The following TCF12 variants were observed in gnomAD, a reference collection of about 807,000 sequenced individuals.
TCF12 encodes the protein transcription factor 12.
A neutral mutation model predicts 86.0 loss-of-function variants in TCF12; 45 were observed. The ratio of observed to expected loss-of-function variants is 0.52; its 90% CI spans 0.41 to 0.67. The LOEUF is 0.67. Among genes scored for constraint, TCF12 ranks in the 30% least tolerant of loss-of-function variants. TCF12 has a pLI of 0.00. For missense variants in TCF12, 881 were observed against 859.9 expected (o/e 1.02, Z -0.31); for synonymous variants, 330 against 299.6 (o/e 1.10, Z -1.05).
chr15:57,142,890 C>T (rs968797891), intron 5 of TCF12, among the ~76,000 whole-genome samples: 5 of 152,020 alleles, frequency 3.3e-5, no homozygotes, highest in African/African-American at 9.7e-5. Context: ...TTCTAAGCTA[C>T]AGTATGAAGG....
chr15:56,932,139 C>T (rs770150682), intron 3 of TCF12, among the ~76,000 whole-genome samples: 4 of 152,102 alleles, frequency 2.6e-5, no homozygotes, highest in Non-Finnish European at 4.4e-5. Flanking sequence ...AGCAGTAGGA[C>T]TTTGTCCACT....
chr15:57,012,210 C>T (rs1318189200), intron 3 of TCF12, among the ~76,000 whole-genome samples: 1 of 152,076 alleles, frequency 6.6e-6, no homozygotes, highest in East Asian at 1.9e-4. Context: ...AATAATCTAA[C>T]ATTTAATATA....
chr15:57,027,400 A>G (rs970178032), intron 3 of TCF12, among the ~76,000 whole-genome samples: 3 of 152,210 alleles, frequency 2.0e-5, no homozygotes, highest in Non-Finnish European at 4.4e-5. Flanking sequence ...CATGCATCAG[A>G]AATTAGTTAT....
chr15:56,993,538 A>C (rs1388219406), intron 3 of TCF12, among the ~76,000 whole-genome samples: 5 of 152,232 alleles, frequency 3.3e-5, no homozygotes, highest in South Asian at 2.1e-4. Context: ...TACTGAGACC[A>C]CGTGTAAAGA....
At chr15:57,269,647 G>A (rs2061037668) in intron 18 of TCF12, among the ~76,000 whole-genome samples, 1 of 152,032 alleles carries the variant, frequency 6.6e-6, no homozygotes, top group African/African-American at 2.4e-5. Context: ...TTTCTTCATA[G>A]CATCGATGGT....
intron 5 of TCF12, among the ~76,000 whole-genome samples, chr15:57,105,550 T>C (rs1210211554): frequency 6.6e-6 from 1 of 152,014 alleles, no homozygotes; most frequent in Non-Finnish European, 1.5e-5. Context: ...ATAGCTAGGA[T>C]TATAGGTGTG....
intron 6 of TCF12, among the ~76,000 whole-genome samples, chr15:57,170,682 T>TA (rs1378181714): frequency 5.4e-4 from 7 of 13,038 alleles, no homozygotes; most frequent in African/African-American, 2.6e-3. Context: ...TATAATATAT[T>TA]ATATATAATA....
chr15:57,032,030 A>C (rs778042146), intron 3 of TCF12, among the ~76,000 whole-genome samples: 3 of 152,162 alleles, frequency 2.0e-5, no homozygotes, highest in Non-Finnish European at 4.4e-5. Context: ...TCACCAAACC[A>C]AGGCAGTTGT....
At chr15:57,033,228 T>C (rs1156238283) in intron 3 of TCF12, among the ~76,000 whole-genome samples, 1 of 152,058 alleles carries the variant, frequency 6.6e-6, no homozygotes, top group Non-Finnish European at 1.5e-5. Context: ...GAAGGAAAAA[T>C]AGTGTGATGC....
intron 4 of TCF12, among the ~76,000 whole-genome samples, chr15:57,076,618 A>ACT (rs2070072502): frequency 6.7e-6 from 1 of 150,124 alleles, no homozygotes; most frequent in Non-Finnish European, 1.5e-5. Context: ...GCGCCACTGC[A>ACT]CTCCAGCCTG....
chr15:57,098,274 A>G (rs1009239881), intron 5 of TCF12, among the ~76,000 whole-genome samples: 1 of 152,112 alleles, frequency 6.6e-6, no homozygotes, highest in Non-Finnish European at 1.5e-5. Flanking sequence ...CCTTTCCACT[A>G]CGTTGCTTTT....
intron 8 of TCF12, among the ~76,000 whole-genome samples, chr15:57,200,709 A>G (rs938341818): frequency 2.3e-4 from 35 of 152,258 alleles, no homozygotes; most frequent in African/African-American, 8.4e-4. Flanking sequence ...TTGATCATGT[A>G]GCATTGATTA....
chr15:56,976,332 G>A (rs570545931), intron 3 of TCF12, among the ~76,000 whole-genome samples: 3 of 139,582 alleles, frequency 2.1e-5, no homozygotes, highest in South Asian at 4.9e-4. Context: ...CCGGGTTCAC[G>A]CCATTCTCCT....
intron 3 of TCF12, among the ~76,000 whole-genome samples, chr15:57,061,289 A>G (rs1433952102): frequency 6.6e-6 from 1 of 152,140 alleles, no homozygotes; most frequent in Non-Finnish European, 1.5e-5. Context: ...TGTTTTTACA[A>G]ATGTATTTAA....
chr15:56,959,410 G>A (rs1306129560), intron 3 of TCF12, among the ~76,000 whole-genome samples: 2 of 152,190 alleles, frequency 1.3e-5, no homozygotes, highest in Admixed American at 6.5e-5. Context: ...TGGCAAAGCT[G>A]AGCAACCTTA....
chr15:57,146,030 A>T (rs2053337628), intron 5 of TCF12, among the ~76,000 whole-genome samples: 1 of 152,206 alleles, frequency 6.6e-6, no homozygotes. Context: ...TGGAGTTAAA[A>T]AACATGAATG....
chr15:57,049,989 C>G (rs933978636), intron 3 of TCF12, among the ~76,000 whole-genome samples: 1 of 152,022 alleles, frequency 6.6e-6, no homozygotes, highest in Non-Finnish European at 1.5e-5. Flanking sequence ...GCTGGACCTC[C>G]TTCAGTTATT....
intron 3 of TCF12, among the ~76,000 whole-genome samples, chr15:56,971,092 GA>G (rs766625290): frequency 6.6e-6 from 1 of 152,090 alleles, no homozygotes; most frequent in Non-Finnish European, 1.5e-5. Flanking sequence ...ATTTATCACA[GA>G]AATAAGGGCT....
At chr15:57,197,642 G>A (rs1249188190) in intron 7 of TCF12, 131 bp from the exon 8 acceptor site, 6 of 900,306 alleles carry the variant, frequency 6.7e-6, no homozygotes, top group Non-Finnish European at 1.0e-5. Context: ...CCTCATTACT[G>A]TATTTTGCTG....
Sources: gnomAD v4.1 joint callset for allele counts (sites outside exome capture counted in the v4.1 genomes callset) on GRCh38, gnomAD v4.1.1 for gene constraint, MANE v1.5 for transcripts, NCBI Gene and HGNC (gene_info 2026-07-23, HGNC 2026-07-21) for gene names.